CDH18: variants seen among roughly 807,000 people sequenced by gnomAD.
The protein encoded by CDH18 is cadherin-18.
In CDH18, 31 loss-of-function variants were observed where a neutral mutation model predicts 67.9. That is an observed-to-expected ratio of 0.46 (90% CI 0.34 to 0.62). CDH18 has a LOEUF of 0.62. Among genes scored for constraint, CDH18 ranks in the 20% least tolerant of loss-of-function variants. CDH18 has a pLI of 0.01. For missense variants in CDH18, 890 were observed against 975.5 expected (o/e 0.91, Z 1.17); for synonymous variants, 362 against 347.2 (o/e 1.04, Z -0.48).
chr5:19,787,564 T>C (rs75349815), intron 3 of CDH18, among the ~76,000 whole-genome samples: 2,486 of 152,234 alleles, frequency 0.016, 63 homozygotes, highest in African/African-American at 0.057. Flanking sequence ...GGAAGGTACA[T>C]GTGCATATAA....
At chr5:20,044,717 G>A (rs1277017761) in intron 2 of CDH18, among the ~76,000 whole-genome samples, 2 of 152,042 alleles carry the variant, frequency 1.3e-5, no homozygotes, top group Admixed American at 6.6e-5. Context: ...TATGTAAGCA[G>A]TTAAACCATA....
chr5:20,102,346 C>A (rs1383737241), intron 2 of CDH18, among the ~76,000 whole-genome samples: 1 of 152,044 alleles, frequency 6.6e-6, no homozygotes, highest in African/African-American at 2.4e-5. Flanking sequence ...ACCCTCTGGA[C>A]TGTGATTCCC....
chr5:19,865,358 A>G (rs1785370966), intron 2 of CDH18, among the ~76,000 whole-genome samples: 1 of 152,172 alleles, frequency 6.6e-6, no homozygotes. Context: ...TTTTACAACA[A>G]GATGCACAAA....
chr5:20,258,858 T>C (rs1744438064), intron 1 of CDH18, among the ~76,000 whole-genome samples: 1 of 152,082 alleles, frequency 6.6e-6, no homozygotes, highest in South Asian at 2.1e-4. Context: ...AATCAAAAAG[T>C]GAACTCCAGG....
intron 3 of CDH18, among the ~76,000 whole-genome samples, chr5:19,794,070 T>G (rs901463826): frequency 1.3e-5 from 2 of 152,134 alleles, no homozygotes; most frequent in African/African-American, 4.8e-5. Flanking sequence ...AGTTAAATTA[T>G]CAAGATTCAA....
chr5:19,516,882 T>C (rs918017521), intron 10 of CDH18, among the ~76,000 whole-genome samples: 10 of 152,096 alleles, frequency 6.6e-5, no homozygotes, highest in Non-Finnish European at 1.5e-4. Flanking sequence ...CATTCACCTA[T>C]TGAAGGATGT....
chr5:19,696,597 T>C (rs1329983496), intron 5 of CDH18, among the ~76,000 whole-genome samples: 1 of 151,512 alleles, frequency 6.6e-6, no homozygotes, highest in Non-Finnish European at 1.5e-5. Context: ...GGTTTCACCA[T>C]GTTAGCCAGG....
chr5:20,197,228 T>A (rs1367944382), intron 2 of CDH18, among the ~76,000 whole-genome samples: 1 of 152,106 alleles, frequency 6.6e-6, no homozygotes, highest in Non-Finnish European at 1.5e-5. Flanking sequence ...CCCAGGCTGG[T>A]CTCGAACTCC....
chr5:20,155,387 A>ACGTT (rs917495486), intron 2 of CDH18, among the ~76,000 whole-genome samples: 2 of 152,056 alleles, frequency 1.3e-5, no homozygotes, highest in Admixed American at 6.6e-5. Flanking sequence ...ATGTCTGTAC[A>ACGTT]CGTTCTTTGC....
chr5:19,719,909 G>GAA (rs943328556), intron 5 of CDH18, among the ~76,000 whole-genome samples: 3 of 85,578 alleles, frequency 3.5e-5, no homozygotes, highest in Non-Finnish European at 6.1e-5. Flanking sequence ...GCAAGAGAAA[G>GAA]AAAGAAAGAA....
chr5:20,304,395 T>A lies in CDH18; in HGVS notation c.-579-48890A>T, dbSNP rs1327819084. ...TTGGAGTAAAAAGCATCTTCTTCTT[T>A]TACTTCAGTAACTACTACTTTGGGT... On this transcript the variant is annotated intron_variant, in intron 1 of 14. Transcript: ENST00000507958. The A allele has an allele frequency of 5.6e-6, 8 of 1,422,686 alleles. No homozygotes were observed. The East Asian group carries it at 1.8e-4, about 32-fold the overall frequency. The allele number at this position is 1,422,686 out of a possible 1,614,324, so 88.1% of individuals were successfully genotyped here.
intron 2 of CDH18, among the ~76,000 whole-genome samples, chr5:20,172,151 G>A (rs1209780403): frequency 9.2e-6 from 1 of 108,466 alleles, no homozygotes; most frequent in Non-Finnish European, 1.9e-5. Context: ...TAAGGTCAAT[G>A]AAGGAATTAT....
intron 2 of CDH18, among the ~76,000 whole-genome samples, chr5:19,957,523 C>G (rs941247441): frequency 2.6e-5 from 4 of 151,690 alleles, no homozygotes; most frequent in African/African-American, 9.7e-5. Context: ...TTAAGATGTA[C>G]ATTGCAGTTA....
At chr5:19,766,754 C>T (rs1429162909) in intron 3 of CDH18, among the ~76,000 whole-genome samples, 3 of 152,168 alleles carry the variant, frequency 2.0e-5, no homozygotes, top group African/African-American at 4.8e-5. Flanking sequence ...TAATCCCCTT[C>T]AAACTAGATA....
intron 11 of CDH18, among the ~76,000 whole-genome samples, chr5:19,493,503 C>T (rs986097281): frequency 6.6e-6 from 1 of 151,038 alleles, no homozygotes; most frequent in Non-Finnish European, 1.5e-5. Context: ...ACATGCTGGA[C>T]AGATAGCTTA....
chr5:20,430,569 C>T (rs1261445018), intron 1 of CDH18, among the ~76,000 whole-genome samples: 2 of 152,142 alleles, frequency 1.3e-5, no homozygotes, highest in East Asian at 3.9e-4. Flanking sequence ...CTCCCTATAA[C>T]CCAGATTTAA....
chr5:19,927,736 CTAATA>C lies in CDH18; in HGVS notation c.-257+53319_-257+53323del, dbSNP rs533708507. Reference sequence around the variant, plus strand: ...TTTCTTAAAGAAAAAAGTTATCAATCTAATATGTGTCAGAAAAAACCTGAGAAATG... The same window carrying C: ...TTTCTTAAAGAAAAAAGTTATCAATCTGTGTCAGAAAAAACCTGAGAAATG... On this transcript the variant is annotated intron_variant, in intron 2 of 12. Coordinates refer to ENST00000382275, the MANE Select transcript of CDH18 (RefSeq NM_004934.5). Among the ~76,000 whole-genome samples the C allele has an allele frequency of 1.3e-4, 20 of 152,148 alleles. No homozygotes were observed. The East Asian group carries it at 3.5e-3, about 26-fold the overall frequency.
chr5:20,490,074 ATAT>A (rs1363674613), intron 1 of CDH18, among the ~76,000 whole-genome samples: 2 of 150,426 alleles, frequency 1.3e-5, no homozygotes, highest in Admixed American at 6.6e-5. Context: ...TGCTATAATA[ATAT>A]AATTGTTAAT....
chr5:19,570,688 C>G (rs1427613508), intron 8 of CDH18, among the ~76,000 whole-genome samples: 1 of 151,870 alleles, frequency 6.6e-6, no homozygotes, highest in African/African-American at 2.4e-5. Context: ...ATGTATGCAG[C>G]CTTTCTGATT....
Sources: gnomAD v4.1 joint callset for allele counts (sites outside exome capture counted in the v4.1 genomes callset) on GRCh38, gnomAD v4.1.1 for gene constraint, MANE v1.5 for transcripts, NCBI Gene and HGNC (gene_info 2026-07-23, HGNC 2026-07-21) for gene names.